The following MCCC1 variants were observed in gnomAD, a reference collection of about 807,000 sequenced individuals.
MCCC1 encodes the protein methylcrotonoyl-CoA carboxylase subunit alpha, mitochondrial.
MCCC1 carries 64 observed loss-of-function variants against 83.8 expected under a neutral mutation model. The ratio of observed to expected loss-of-function variants is 0.76; its 90% CI spans 0.62 to 0.94. The LOEUF (loss-of-function observed/expected upper bound fraction) is 0.94, where lower values mean the gene tolerates loss of function less well. Among genes scored for constraint, MCCC1 ranks in the 40% least tolerant of loss-of-function variants. The pLI is 0.00. For synonymous variants in MCCC1, 322 were observed against 315.4 expected (o/e 1.02, Z -0.22); for missense variants, 807 against 904.7 (o/e 0.89, Z 1.39).
chr3:183,048,729 C>A (rs1212452423), intron 9 of MCCC1, among the ~76,000 whole-genome samples: 1 of 152,164 alleles, frequency 6.6e-6, no homozygotes, highest in Non-Finnish European at 1.5e-5. Context: ...TAGTTGAATT[C>A]AACAACACCA....
At position 183,070,599 on chromosome 3, in the gene MCCC1, G is replaced by A. The variant is rs1295840424; in HGVS notation, c.761+400C>T. 3.3e-5 allele frequency among the ~76,000 whole-genome samples: 5 copies of A among 152,144 alleles called. No homozygotes were observed. In the South Asian group the frequency reaches 6.2e-4, roughly 19 times the overall value. ...AACACAAAAATTAGCCAGGCATGGT[G>A]GGGCATACCTGTAATTCCAGCTACT... is the stretch of plus-strand genomic sequence containing the variant. On this transcript the variant is annotated intron_variant, in intron 7 of 18. Transcript: ENST00000265594.
At chr3:183,029,583 T>C (rs74461518) in intron 14 of MCCC1, among the ~76,000 whole-genome samples, 2 of 152,208 alleles carry the variant, frequency 1.3e-5, no homozygotes, top group African/African-American at 4.8e-5. Context: ...TGGCCTCTAG[T>C]AGCAGAGAAT....
chr3:183,045,705 A>C (rs1714504988), intron 9 of MCCC1, among the ~76,000 whole-genome samples, 165 bp from the exon 10 acceptor site: 1 of 152,210 alleles, frequency 6.6e-6, no homozygotes, highest in Non-Finnish European at 1.5e-5. Context: ...TATGAATCTT[A>C]GTCAAAAATA....
At chr3:183,052,852 C>T (rs1050501551) in intron 8 of MCCC1, among the ~76,000 whole-genome samples, 3 of 150,250 alleles carry the variant, frequency 2.0e-5, no homozygotes, top group Non-Finnish European at 4.4e-5. Context: ...CAATCATGTG[C>T]CGTATATAAT....
intron 9 of MCCC1, among the ~76,000 whole-genome samples, chr3:183,049,339 C>A (rs1399452152): frequency 6.6e-6 from 1 of 151,952 alleles, no homozygotes; most frequent in Non-Finnish European, 1.5e-5. Flanking sequence ...ACCTTGGCCA[C>A]AGCGGGCAGC....
At chr3:183,047,472 C>G (rs534065824) in intron 9 of MCCC1, among the ~76,000 whole-genome samples, 106 of 152,188 alleles carry the variant, frequency 7.0e-4, no homozygotes, top group African/African-American at 2.3e-3. Context: ...AGGCAAAAAA[C>G]ACAGTTTGAA....
At chr3:183,057,129 C>T (rs1413790482) in intron 8 of MCCC1, among the ~76,000 whole-genome samples, 182 bp downstream of exon 8, 1 of 152,188 alleles carries the variant, frequency 6.6e-6, no homozygotes, top group Non-Finnish European at 1.5e-5. Flanking sequence ...ACCCCCAGAA[C>T]ATCAATCTCC....
intron 4 of MCCC1, among the ~76,000 whole-genome samples, chr3:183,086,363 T>A (rs1263547626): frequency 2.0e-5 from 3 of 152,230 alleles, no homozygotes; most frequent in Non-Finnish European, 4.4e-5. Flanking sequence ...ATATTTTACC[T>A]TGTAATTCAG....
chr3:183,022,788 C>T lies in MCCC1; in HGVS notation c.1732-234G>A, dbSNP rs1712264334. ...GGGAAAAAAAAGTTATATAACTTAT[C>T]CATAGCACCATAATGCTATAGATAA... On this transcript the variant is annotated intron_variant, in intron 15 of 18. Coordinates refer to ENST00000265594, the MANE Select transcript of MCCC1 (RefSeq NM_020166.5). 9.0e-6 allele frequency: 4 copies of T among 445,206 alleles called. No homozygotes were observed. In the Admixed American group the frequency reaches 1.6e-4, roughly 18 times the overall value. 27.6% of individuals were successfully genotyped at this position (445,206 alleles called of 1,614,324 possible).
In MCCC1 at chr3:183,045,269, A is replaced by G. The variant is rs1714457800; in HGVS notation, c.1083+144T>C. The G allele has an allele frequency of 1.2e-5, 10 of 864,112 alleles. No individual in the cohort carries two copies. The Admixed American group carries it at 2.1e-4, about 18-fold the overall frequency. The allele number at this position is 864,112 out of a possible 1,614,324, so 53.5% of individuals were successfully genotyped here. On this transcript the variant is annotated intron_variant, in intron 10 of 18. Transcript: ENST00000265594. ...TAATTTTTGTATTTTTGGTAGAGAC[A>G]GGGTTTCACCACATTGGCCAGGCTG... is the stretch of plus-strand genomic sequence containing the variant.
At chr3:183,077,589 T>C (rs1717172011) in intron 4 of MCCC1, among the ~76,000 whole-genome samples, 1 of 151,710 alleles carries the variant, frequency 6.6e-6, no homozygotes. Context: ...AAATTAGGTT[T>C]CCTAGCAACA....
intron 4 of MCCC1, among the ~76,000 whole-genome samples, chr3:183,081,255 T>C (rs866262709): frequency 6.6e-6 from 1 of 152,220 alleles, no homozygotes; most frequent in Non-Finnish European, 1.5e-5. Context: ...GCTTCAGGCA[T>C]GTATTGAGCT....
At chr3:183,069,416 C>T (rs1716490178) in intron 7 of MCCC1, among the ~76,000 whole-genome samples, 1 of 152,124 alleles carries the variant, frequency 6.6e-6, no homozygotes, top group African/African-American at 2.4e-5. Flanking sequence ...TAAGAGCATG[C>T]TGATTTGGAT....
At chr3:183,058,904 T>C (rs187356788) in intron 7 of MCCC1, among the ~76,000 whole-genome samples, 335 of 152,318 alleles carry the variant, frequency 2.2e-3, no homozygotes, top group Non-Finnish European at 3.5e-3. Flanking sequence ...CTGTCAAACA[T>C]AGAAGAGACA....
At chr3:183,099,595 T>C, upstream of MCCC1, 1 of 848,710 alleles carries the variant, frequency 1.2e-6, no homozygotes, top group Non-Finnish European at 1.8e-6. Flanking sequence ...TGTGAGGGCG[T>C]CTCCACGAAC....
chr3:183,043,257 A>C (rs1375583647), intron 10 of MCCC1, among the ~76,000 whole-genome samples: 2 of 152,248 alleles, frequency 1.3e-5, no homozygotes, highest in African/African-American at 4.8e-5. Context: ...ATTGCACTCC[A>C]GCCTGGGCAA....
At chr3:183,103,249 C>T (rs553339050), upstream of MCCC1, among the ~76,000 whole-genome samples, 3 of 151,904 alleles carry the variant, frequency 2.0e-5, no homozygotes, top group African/African-American at 7.3e-5. Context: ...TTGCAAAGAG[C>T]GAAAGAACAA....
Position 183,015,560 on chromosome 3 carries a change from T to C in MCCC1, c.2056A>G (p.Ile686Val), listed in dbSNP as rs751755306. The change falls in exon 19 of 19, where the codon ATA becomes GTA. Residue 686 changes from isoleucine to valine, a missense_variant. Transcript: ENST00000265594. ...VMIAMKMEHT[I>V]KSPKDGTVKK... is the part of the protein sequence containing the mutation. ...ACTGTGCCATCCTTTGGAGACTTTA[T>C]GGTATGCTGCAGAGACACATGACAG... The C allele has an allele frequency of 6.2e-7, 1 of 1,614,148 alleles. No homozygotes were observed. The highest frequency in any genetic ancestry group is 1.1e-5 in the South Asian group (1 of 91,080).
intron 1 of MCCC1, among the ~76,000 whole-genome samples, chr3:183,096,725 C>T (rs1718765373): frequency 6.6e-6 from 1 of 152,220 alleles, no homozygotes; most frequent in Admixed American, 6.5e-5. Context: ...AGCTAGCTTC[C>T]TCACGAGGCT....
Sources: gnomAD v4.1 joint callset for allele counts (sites outside exome capture counted in the v4.1 genomes callset) on GRCh38, gnomAD v4.1.1 for gene constraint, MANE v1.5 for transcripts, NCBI Gene and HGNC (gene_info 2026-07-23, HGNC 2026-07-21) for gene names.